SHC3: variants seen among roughly 807,000 people sequenced by gnomAD.
SHC3 encodes the protein SHC-transforming protein 3.
In SHC3, 15 loss-of-function variants were observed where a neutral mutation model predicts 60.4. The ratio of observed to expected loss-of-function variants is 0.25; its 90% CI spans 0.17 to 0.38. SHC3 has a LOEUF of 0.38. SHC3 is among the 10% of genes least tolerant of loss of function. SHC3 has a pLI of 1.00. For missense variants in SHC3, 677 were observed against 786.1 expected (o/e 0.86, Z 1.66); for synonymous variants, 294 against 325.9 (o/e 0.90, Z 1.05).
In SHC3 at chr9:89,178,773, C is replaced by T. The variant is rs1229341891; in HGVS notation, c.-313G>A. ...GGCTGCTCACAGCAAAAGCATGACT[C>T]ACTCTGAGAGGAGACCCTTCTCAAC... is the stretch of plus-strand genomic sequence containing the variant. On this transcript the variant is annotated 5_prime_UTR_variant, in exon 1 of 12. Transcript: ENST00000375835. This position sits in a 1 kb window ranked among gnomAD's most constrained non-coding sequence, Gnocchi z 6.9. 1 of 274,026 alleles carries T rather than the reference C, an allele frequency of 3.6e-6. No homozygotes were observed. The highest frequency in any genetic ancestry group is 2.2e-5 in the African/African-American group (1 of 45,534). 17.0% of individuals were successfully genotyped at this position (274,026 alleles called of 1,614,324 possible). A position where few individuals can be genotyped will look rare whatever the true frequency, so the allele number is the denominator to read the frequency against.
chr9:89,118,406 T>G (rs1402524052), intron 1 of SHC3, among the ~76,000 whole-genome samples: 1 of 152,168 alleles, frequency 6.6e-6, no homozygotes, highest in South Asian at 2.1e-4. Flanking sequence ...AGAGTTTAGA[T>G]GCATCTGCCT....
chr9:89,008,414 G>T lies in SHC3; in HGVS notation c.*5033C>A, dbSNP rs1373266873. ...CTCTCACTAGTGAGTGGTTCTCAAAGTCAAGACTTCAGAGCAGCTGCACCA... is the reference window on the plus strand; with the variant it reads ...CTCTCACTAGTGAGTGGTTCTCAAATTCAAGACTTCAGAGCAGCTGCACCA... On this transcript the variant is annotated 3_prime_UTR_variant, in exon 12 of 12. Transcript: ENST00000375835. 1 of 152,178 alleles carries T rather than the reference G, an allele frequency of 6.6e-6. No homozygotes were observed. The highest frequency in any genetic ancestry group is 1.5e-5 in the Non-Finnish European group (1 of 68,038). 9.4% of individuals were successfully genotyped at this position (152,178 alleles called of 1,614,324 possible). A position where few individuals can be genotyped will look rare whatever the true frequency, so the allele number is the denominator to read the frequency against.
intron 2 of SHC3, among the ~76,000 whole-genome samples, chr9:89,099,306 A>G (rs1455754579): frequency 2.0e-5 from 3 of 152,212 alleles, no homozygotes; most frequent in African/African-American, 7.2e-5. Flanking sequence ...TCTTTTGTAC[A>G]TATAAAAACA....
At chr9:89,095,785 C>CTCTCTT (rs1053149843) in intron 2 of SHC3, among the ~76,000 whole-genome samples, 2 of 152,146 alleles carry the variant, frequency 1.3e-5, no homozygotes, top group Admixed American at 6.5e-5. Flanking sequence ...ATTGATTTTC[C>CTCTCTT]TCTCTTTCTT....
In SHC3 at chr9:89,067,738, T is replaced by A. The variant is rs11137500; in HGVS notation, c.784-2158A>T. Reference sequence around the variant, plus strand: ...TGGCCAGGCCAGCATCACATTCAGATGGAGATTTAGTTTCAGCGAACTTTG... The same window carrying A: ...TGGCCAGGCCAGCATCACATTCAGAAGGAGATTTAGTTTCAGCGAACTTTG... On this transcript the variant is annotated intron_variant, in intron 5 of 11. Coordinates refer to ENST00000375835, the MANE Select transcript of SHC3 (RefSeq NM_016848.6). 7.8e-3 allele frequency among the ~76,000 whole-genome samples: 1,193 copies of A among 152,260 alleles called. 6 individuals carry two copies. The highest frequency in any genetic ancestry group is 0.027 in the Middle Eastern group (8 of 294).
intron 5 of SHC3, among the ~76,000 whole-genome samples, chr9:89,066,979 G>C (rs541407020): frequency 1.2e-4 from 18 of 152,330 alleles, no homozygotes; most frequent in Admixed American, 4.6e-4. Flanking sequence ...GACCACACCA[G>C]TGTAGCATTC....
At chr9:89,134,079 C>G (rs1826287229) in intron 1 of SHC3, among the ~76,000 whole-genome samples, 1 of 152,004 alleles carries the variant, frequency 6.6e-6, no homozygotes, top group Non-Finnish European at 1.5e-5. Context: ...CACTTATGAA[C>G]CAGGTTTTTC....
At chr9:89,060,343 A>G (rs570811523) in intron 6 of SHC3, among the ~76,000 whole-genome samples, 2 of 149,398 alleles carry the variant, frequency 1.3e-5, no homozygotes. Flanking sequence ...CGTGGAGGAC[A>G]TGGTAGAGGA....
chr9:89,045,245 T>C (rs1352837657), intron 9 of SHC3, among the ~76,000 whole-genome samples: 1 of 150,722 alleles, frequency 6.6e-6, no homozygotes, highest in Non-Finnish European at 1.5e-5. Context: ...AGGCACTATC[T>C]GATTGGTGCC....
At chr9:89,067,071 C>T (rs1021744362) in intron 5 of SHC3, among the ~76,000 whole-genome samples, 1 of 152,336 alleles carries the variant, frequency 6.6e-6, no homozygotes, top group African/African-American at 2.4e-5. Flanking sequence ...TTCTTTTCTG[C>T]TCAGGACACT....
intron 7 of SHC3, 123 bp downstream of exon 7, chr9:89,051,914 T>C (rs935277841): frequency 7.1e-6 from 10 of 1,412,424 alleles, no homozygotes; most frequent in African/African-American, 4.3e-5. Flanking sequence ...CAGGTGTCTC[T>C]GAGCCCAGGA....
chr9:89,041,802 A>G (rs972246481), intron 10 of SHC3, among the ~76,000 whole-genome samples: 2 of 152,244 alleles, frequency 1.3e-5, no homozygotes, highest in African/African-American at 2.4e-5. Flanking sequence ...AGGAACGTCA[A>G]TTCCAAAAAG....
rs185835179 is a variant in SHC3 at position 89,033,156 on chromosome 9, C to T, written c.1656+4837G>A. 3.2e-3 allele frequency among the ~76,000 whole-genome samples: 494 copies of T among 152,108 alleles called. 5 individuals are homozygous for T. The highest frequency in any genetic ancestry group is 0.011 in the African/African-American group (476 of 41,506). On this transcript the variant is annotated intron_variant, in intron 11 of 11. Transcript: ENST00000375835. ...GGCTCGCTTGGATACCTGGTTTAAT[C>T]GTATTTCCACAAATTCATACCCTCT...
chr9:89,178,249 A>T lies in SHC3; in HGVS notation c.212T>A (p.Val71Glu), dbSNP rs1261883468. ...CGAGCTGGAGAGTTTCAGGTGGGAC[A>T]CCTTGTGGAGCAGGTGGCCCAGGCT... ...PGSLGHLLHK[V>E]SHLKLSSSGL... Residue 71 changes from valine (V) to glutamate (E), a missense_variant, in exon 1 of 12, where the codon GTG becomes GAG. By Grantham distance (121) the Val-to-Glu change is moderately radical (BLOSUM62 -2). Transcript: ENST00000375835. This position sits in a 1 kb window ranked among gnomAD's most constrained non-coding sequence, Gnocchi z 6.9. The T allele has an allele frequency of 6.6e-7, 1 of 1,523,130 alleles. No individual in the cohort carries two copies. Among genetic ancestry groups the T allele is most frequent in the Non-Finnish European group, 8.8e-7 (1 of 1,137,484 alleles). 94.4% of individuals were successfully genotyped at this position (1,523,130 alleles called of 1,614,324 possible).
At chr9:89,134,104 T>C (rs1335879512) in intron 1 of SHC3, among the ~76,000 whole-genome samples, 1 of 152,066 alleles carries the variant, frequency 6.6e-6, no homozygotes, top group Non-Finnish European at 1.5e-5. Context: ...AAAGTAAAAG[T>C]TGCTAAAAGT....
chr9:89,064,488 C>T (rs141606642), intron 6 of SHC3, among the ~76,000 whole-genome samples: 4 of 152,262 alleles, frequency 2.6e-5, no homozygotes, highest in East Asian at 3.9e-4. Flanking sequence ...GTCAATGACT[C>T]GGGGCTAAAC....
chr9:89,065,882 G>A (rs1054980191), intron 5 of SHC3, among the ~76,000 whole-genome samples: 6 of 152,126 alleles, frequency 3.9e-5, no homozygotes, highest in Non-Finnish European at 8.8e-5. Flanking sequence ...CACCGGAACT[G>A]GTTAGAAGTC....
In SHC3 at chr9:89,005,865, G is replaced by A. The variant is rs1825931723; in HGVS notation, c.*7582C>T. Reference sequence around the variant, plus strand: ...AAAATGGTTGTTTCTCTCAACCCTTGAGCCAGTTATTCCACGCTGGTAAGA... The same window carrying A: ...AAAATGGTTGTTTCTCTCAACCCTTAAGCCAGTTATTCCACGCTGGTAAGA... On this transcript the variant is annotated 3_prime_UTR_variant, in exon 12 of 12. Transcript: ENST00000375835. 1 of 152,154 alleles carries A rather than the reference G, an allele frequency of 6.6e-6. No individual in the cohort carries two copies. The highest frequency in any genetic ancestry group is 6.5e-5 in the Admixed American group (1 of 15,276). 9.4% of individuals were successfully genotyped at this position (152,154 alleles called of 1,614,324 possible). A position where few individuals can be genotyped will look rare whatever the true frequency, so the allele number is the denominator to read the frequency against.
chr9:89,015,924 A>G (rs1003412340), intron 11 of SHC3, among the ~76,000 whole-genome samples: 1 of 152,250 alleles, frequency 6.6e-6, no homozygotes, highest in Non-Finnish European at 1.5e-5. Flanking sequence ...TCTAAAATTA[A>G]TCATCTAAGC....
Sources: gnomAD v4.1 joint callset for allele counts (sites outside exome capture counted in the v4.1 genomes callset) on GRCh38, gnomAD v4.1.1 for gene constraint, Gnocchi (gnomAD v3.1) non-coding constraint, MANE v1.5 for transcripts, NCBI Gene and HGNC (gene_info 2026-07-23, HGNC 2026-07-21) for gene names.